The following CDKAL1 variants were observed in gnomAD, a reference collection of about 807,000 sequenced individuals.
CDKAL1 encodes the protein threonylcarbamoyladenosine tRNA methylthiotransferase.
CDKAL1 carries 32 observed loss-of-function variants against 68.2 expected under a neutral mutation model. That is an observed-to-expected ratio of 0.47 (90% CI 0.35 to 0.63). CDKAL1 has a LOEUF of 0.63. Ranked by LOEUF, CDKAL1 falls within the 30% of genes least tolerant of loss-of-function variation. The pLI, the probability that CDKAL1 is intolerant of heterozygous loss-of-function variation, is 0.00. For missense variants in CDKAL1, 606 were observed against 696.7 expected, an observed-to-expected ratio of 0.87 and a Z score of 1.47; for synonymous variants, 234 against 244.3, an observed-to-expected ratio of 0.96 and a Z score of 0.39.
At position 20,741,935 on chromosome 6, in the gene CDKAL1, T is replaced by C. The variant is rs147017190; in HGVS notation, c.468+2320T>C. On this transcript the variant is annotated intron_variant, in intron 6 of 15. Transcript: ENST00000274695. ...AATTTACACTCCCACCAATAGCATGTAAGTGTTCCCTTTTCTCCACAGTCT... is the reference window on the plus strand; with the variant it reads ...AATTTACACTCCCACCAATAGCATGCAAGTGTTCCCTTTTCTCCACAGTCT... Among the ~76,000 whole-genome samples the C allele has an allele frequency of 2.7e-4, 41 of 152,252 alleles. 1 individual carries two copies. The highest frequency in any genetic ancestry group is 1.5e-5 in the Non-Finnish European group (1 of 67,998).
chr6:20,711,517 A>G (rs1581426168), intron 5 of CDKAL1, among the ~76,000 whole-genome samples: 1 of 152,224 alleles, frequency 6.6e-6, no homozygotes, highest in African/African-American at 2.4e-5. Context: ...GCTGGAGTCA[A>G]ACAGAGGCAG....
At chr6:20,903,605 A>C (rs1762104444) in intron 9 of CDKAL1, among the ~76,000 whole-genome samples, 1 of 152,160 alleles carries the variant, frequency 6.6e-6, no homozygotes, top group Non-Finnish European at 1.5e-5. Flanking sequence ...GCCTGAGGAG[A>C]AAATTCTGGT....
intron 8 of CDKAL1, among the ~76,000 whole-genome samples, chr6:20,791,795 G>A (rs570902113): frequency 3.7e-4 from 56 of 152,142 alleles, no homozygotes; most frequent in Non-Finnish European, 7.6e-4. Flanking sequence ...ATATAGAGAT[G>A]TATGACCATT....
chr6:20,631,212 C>A (rs544465113), intron 4 of CDKAL1, among the ~76,000 whole-genome samples: 9 of 152,180 alleles, frequency 5.9e-5, no homozygotes, highest in African/African-American at 2.2e-4. Flanking sequence ...ATTTTTACCT[C>A]TGGTGTACAA....
At chr6:20,962,719 T>C (rs976397463) in intron 10 of CDKAL1, among the ~76,000 whole-genome samples, 3 of 152,230 alleles carry the variant, frequency 2.0e-5, no homozygotes, top group African/African-American at 7.2e-5. Flanking sequence ...TATGTAAATA[T>C]ATTCTCTACT....
chr6:21,176,182 G>A (rs1340670177), intron 13 of CDKAL1, among the ~76,000 whole-genome samples: 2 of 152,192 alleles, frequency 1.3e-5, no homozygotes, highest in Non-Finnish European at 2.9e-5. Context: ...ATCCTTAGGT[G>A]GAACAGATGT....
chr6:20,871,187 G>T (rs1760192790), intron 9 of CDKAL1, among the ~76,000 whole-genome samples: 1 of 152,094 alleles, frequency 6.6e-6, no homozygotes, highest in African/African-American at 2.4e-5. Flanking sequence ...AGGATTAAAA[G>T]AAAGCAAGTT....
chr6:20,979,715 T>G (rs955981104), intron 10 of CDKAL1, among the ~76,000 whole-genome samples: 4 of 152,020 alleles, frequency 2.6e-5, no homozygotes, highest in Non-Finnish European at 5.9e-5. Flanking sequence ...TGTTTGCTGT[T>G]ACCTCAAAAT....
At chr6:20,942,753 G>A (rs1049817736) in intron 9 of CDKAL1, among the ~76,000 whole-genome samples, 17 of 149,788 alleles carry the variant, frequency 1.1e-4, no homozygotes, top group Admixed American at 6.0e-4. Context: ...TCAGAAGATC[G>A]AGACCATCCT....
intron 8 of CDKAL1, among the ~76,000 whole-genome samples, chr6:20,825,974 T>A (rs1318016315): frequency 1.3e-5 from 2 of 152,188 alleles, no homozygotes; most frequent in East Asian, 1.9e-4. Flanking sequence ...GGAGATTAGC[T>A]ACTTTTTCTT....
chr6:20,721,686 C>T (rs930943748), intron 5 of CDKAL1, among the ~76,000 whole-genome samples: 25 of 147,672 alleles, frequency 1.7e-4, no homozygotes, highest in African/African-American at 5.3e-4. Context: ...ACCAACAGTG[C>T]GTAAGCATTC....
Position 20,539,821 on chromosome 6 carries a change from G to A in CDKAL1, c.-6+4427G>A, listed in dbSNP as rs1366500238. ...GCTTGAGATGAACTTAGGTTTTAAA[G>A]GGATCCCTGACTTCTGTGCTGAAAA... On this transcript the variant is annotated intron_variant, in intron 2 of 15. Coordinates refer to ENST00000274695, the MANE Select transcript of CDKAL1 (RefSeq NM_017774.3). This position sits in a 1 kb window ranked among gnomAD's most constrained non-coding sequence, Gnocchi z 4.3. 6.6e-6 allele frequency among the ~76,000 whole-genome samples: 1 copy of A among 152,120 alleles called. No homozygotes were observed. Among genetic ancestry groups the A allele is most frequent in the East Asian group, 1.9e-4 (1 of 5,194 alleles).
chr6:20,591,308 G>A (rs1426047099), intron 4 of CDKAL1, among the ~76,000 whole-genome samples: 1 of 152,096 alleles, frequency 6.6e-6, no homozygotes, highest in Non-Finnish European at 1.5e-5. Context: ...TAGGTTGCCT[G>A]TTCACTCTGA....
At chr6:20,741,426 T>G (rs567328548) in intron 6 of CDKAL1, among the ~76,000 whole-genome samples, 1 of 151,604 alleles carries the variant, frequency 6.6e-6, no homozygotes, top group East Asian at 1.9e-4. Flanking sequence ...GTACTAAGCC[T>G]TTTACTCATT....
chr6:20,681,183 C>T lies in CDKAL1; in HGVS notation c.371+31806C>T, dbSNP rs2127791891. Among the ~76,000 whole-genome samples, 4 of 152,250 alleles carry T rather than the reference C, an allele frequency of 2.6e-5. No individual in the cohort carries two copies. The Middle Eastern group carries it at 0.014, about 518-fold the overall frequency. On this transcript the variant is annotated intron_variant, in intron 5 of 15. Coordinates refer to ENST00000274695, the MANE Select transcript of CDKAL1 (RefSeq NM_017774.3). ...CATTTACAATTATTTTAAAAGATGG[C>T]CTCATTCTGTAGGTGAATCCCTGTA...
intron 8 of CDKAL1, among the ~76,000 whole-genome samples, chr6:20,841,449 G>T (rs1045205086): frequency 6.6e-6 from 1 of 152,078 alleles, no homozygotes; most frequent in Non-Finnish European, 1.5e-5. Context: ...AAAAAGAATA[G>T]GTATGTTAAA....
At chr6:21,110,104 T>A (rs932003307) in intron 13 of CDKAL1, among the ~76,000 whole-genome samples, 1 of 152,234 alleles carries the variant, frequency 6.6e-6, no homozygotes, top group Non-Finnish European at 1.5e-5. Context: ...GAGTTCCTTT[T>A]GATCTTTAAG....
At chr6:21,064,468 A>G (rs1286577750) in intron 11 of CDKAL1, among the ~76,000 whole-genome samples, 1 of 152,224 alleles carries the variant, frequency 6.6e-6, no homozygotes, top group African/African-American at 2.4e-5. Context: ...TTGATTTTTG[A>G]TAGCCCTAAT....
At chr6:20,809,258 C>T (rs1418948814) in intron 8 of CDKAL1, among the ~76,000 whole-genome samples, 4 of 152,172 alleles carry the variant, frequency 2.6e-5, no homozygotes, top group African/African-American at 7.2e-5. Flanking sequence ...CCTTCCTTAA[C>T]GCAGTGGGTA....
Sources: gnomAD v4.1 joint callset for allele counts (sites outside exome capture counted in the v4.1 genomes callset) on GRCh38, gnomAD v4.1.1 for gene constraint, Gnocchi (gnomAD v3.1) non-coding constraint, MANE v1.5 for transcripts, NCBI Gene and HGNC (gene_info 2026-07-23, HGNC 2026-07-21) for gene names.